Variants in PLCB1 observed in about 807,000 individuals in gnomAD.
The protein encoded by PLCB1 is phospholipase C beta 1, also known as 1-phosphatidylinositol 4,5-bisphosphate phosphodiesterase beta-1.
A neutral mutation model predicts 161.8 loss-of-function variants in PLCB1; 46 were observed. The observed-to-expected ratio is 0.28, with a 90% CI of 0.22 to 0.36. The LOEUF (loss-of-function observed/expected upper bound fraction) is 0.36, where lower values mean the gene tolerates loss of function less well. Ranked by LOEUF, PLCB1 falls within the 10% of genes least tolerant of loss-of-function variation. The probability of loss-of-function intolerance (pLI) is 1.00; values close to 1 mark genes in which losing one functional copy is unlikely to be tolerated. For synonymous variants in PLCB1, 517 were observed against 503.7 expected (o/e 1.03, Z -0.35); for missense variants, 1,016 against 1,472.5 (o/e 0.69, Z 5.07).
chr20:8,268,136 GC>G (rs540180087), intron 2 of PLCB1, among the ~76,000 whole-genome samples: 337 of 151,790 alleles, frequency 2.2e-3, no homozygotes, highest in African/African-American at 7.7e-3. Context: ...CTCATGACCG[GC>G]CCCGGTGTGT....
At chr20:8,289,052 A>G (rs951118856) in intron 2 of PLCB1, among the ~76,000 whole-genome samples, 1 of 152,142 alleles carries the variant, frequency 6.6e-6, no homozygotes, top group African/African-American at 2.4e-5. Flanking sequence ...AATCTGTGTC[A>G]TGCCCAACTG....
At chr20:8,143,651 G>A (rs1189929067) in intron 1 of PLCB1, among the ~76,000 whole-genome samples, 2 of 152,220 alleles carry the variant, frequency 1.3e-5, no homozygotes, top group Non-Finnish European at 2.9e-5. Context: ...GCCAGCATGA[G>A]TAGAAGAATG....
At chr20:8,816,535 A>G (rs1242347073) in intron 31 of PLCB1, among the ~76,000 whole-genome samples, 1 of 152,256 alleles carries the variant, frequency 6.6e-6, no homozygotes, top group Non-Finnish European at 1.5e-5. Context: ...GCCAGAGAAT[A>G]GAACAAAAAC....
intron 9 of PLCB1, among the ~76,000 whole-genome samples, chr20:8,664,126 T>C (rs1252811581): frequency 6.6e-6 from 1 of 152,138 alleles, no homozygotes; most frequent in Non-Finnish European, 1.5e-5. Context: ...TGAGTGTTTG[T>C]TAAATAATTG....
At chr20:8,136,023 G>A (rs1187740187) in intron 1 of PLCB1, among the ~76,000 whole-genome samples, 1 of 152,142 alleles carries the variant, frequency 6.6e-6, no homozygotes, top group Non-Finnish European at 1.5e-5. Context: ...CTGTACAATA[G>A]GACCCCCAGC....
chr20:8,425,142 T>C (rs1035329615), intron 3 of PLCB1, among the ~76,000 whole-genome samples: 1 of 151,604 alleles, frequency 6.6e-6, no homozygotes, highest in Non-Finnish European at 1.5e-5. Context: ...TTTTTTTTTT[T>C]TTTTAACTTA....
chr20:8,684,531 G>A (rs1990312765), intron 9 of PLCB1, among the ~76,000 whole-genome samples: 1 of 152,026 alleles, frequency 6.6e-6, no homozygotes, highest in Admixed American at 6.5e-5. Flanking sequence ...TGGGATTACA[G>A]GCCACTTGTA....
intron 2 of PLCB1, among the ~76,000 whole-genome samples, chr20:8,321,672 T>C (rs749480856): frequency 6.6e-6 from 1 of 152,166 alleles, no homozygotes; most frequent in Non-Finnish European, 1.5e-5. Context: ...AAACTTAGAC[T>C]GGCTTTATAA....
intron 2 of PLCB1, among the ~76,000 whole-genome samples, chr20:8,270,981 A>T (rs778170565): frequency 6.6e-6 from 1 of 152,164 alleles, no homozygotes; most frequent in Admixed American, 6.6e-5. Context: ...GAAATTACCC[A>T]CAGCAGTTAC....
At chr20:8,843,595 G>A (rs1354304120) in intron 31 of PLCB1, among the ~76,000 whole-genome samples, 1 of 151,626 alleles carries the variant, frequency 6.6e-6, no homozygotes, top group Admixed American at 6.6e-5. Context: ...ACTAACACAT[G>A]TGTTCATCAT....
chr20:8,462,400 C>T (rs755911798), intron 3 of PLCB1, among the ~76,000 whole-genome samples: 16 of 152,124 alleles, frequency 1.1e-4, no homozygotes, highest in Non-Finnish European at 2.4e-4. Flanking sequence ...CTAGGGGCAT[C>T]GCCATTTAAG....
At chr20:8,393,885 T>C (rs1283760897) in intron 3 of PLCB1, among the ~76,000 whole-genome samples, 1 of 152,160 alleles carries the variant, frequency 6.6e-6, no homozygotes, top group East Asian at 1.9e-4. Flanking sequence ...CAGATCCTAT[T>C]AAAGATGTTT....
intron 3 of PLCB1, 81 bp downstream of exon 3, chr20:8,371,531 T>C: frequency 2.1e-6 from 2 of 960,754 alleles, no homozygotes; most frequent in South Asian, 2.9e-5. Context: ...ATTGCCCCAA[T>C]TAAAAGTTTC....
At chr20:8,737,479 G>T (rs1465113206) in intron 20 of PLCB1, among the ~76,000 whole-genome samples, 1 of 152,148 alleles carries the variant, frequency 6.6e-6, no homozygotes, top group East Asian at 1.9e-4. Context: ...AATGATAAAT[G>T]ATACATTTTA....
intron 3 of PLCB1, among the ~76,000 whole-genome samples, chr20:8,582,215 G>A (rs539012249): frequency 6.6e-6 from 1 of 152,246 alleles, no homozygotes; most frequent in East Asian, 1.9e-4. Context: ...CTTTACCTAG[G>A]GAGTGCACTT....
At chr20:8,737,864 T>A (rs1027565707) in intron 20 of PLCB1, among the ~76,000 whole-genome samples, 2 of 152,252 alleles carry the variant, frequency 1.3e-5, no homozygotes, top group Non-Finnish European at 2.9e-5. Context: ...TTTTTCCATA[T>A]GTTAACTGAG....
intron 2 of PLCB1, among the ~76,000 whole-genome samples, chr20:8,322,621 G>A (rs1182393834): frequency 6.6e-6 from 1 of 151,814 alleles, no homozygotes; most frequent in African/African-American, 2.4e-5. Context: ...TATTCCACAA[G>A]CATTTCTTAA....
At chr20:8,535,105 TAAA>T (rs10560220) in intron 3 of PLCB1, among the ~76,000 whole-genome samples, 63,437 of 108,036 alleles carry the variant, frequency 0.59, 17,618 homozygotes, top group African/African-American at 0.72. Flanking sequence ...AGTTTTAAAG[TAAA>T]AAAAAAAAAA....
chr20:8,397,923 T>C (rs540041723), intron 3 of PLCB1, among the ~76,000 whole-genome samples: 154 of 152,248 alleles, frequency 1.0e-3, no homozygotes, highest in African/African-American at 3.7e-3. Flanking sequence ...AATTTTTTTT[T>C]TAAATGCCTT....
Sources: allele counts gnomAD v4.1 joint callset (sites outside exome capture counted in the v4.1 genomes callset), GRCh38; gene constraint gnomAD v4.1.1; transcripts MANE v1.5; gene names NCBI Gene and HGNC (gene_info 2026-07-23, HGNC 2026-07-21).